Variants in ABHD12B observed in about 807,000 individuals in gnomAD.
ABHD12B encodes the protein abhydrolase domain containing 12B.
ABHD12B carries 42 observed loss-of-function variants against 50.4 expected under a neutral mutation model. That is an observed-to-expected ratio of 0.83 (90% CI 0.65 to 1.08). The LOEUF (loss-of-function observed/expected upper bound fraction) is 1.08. Ranked by LOEUF, ABHD12B falls within the 50% of genes least tolerant of loss-of-function variation. The probability of loss-of-function intolerance (pLI) is 0.00; values close to 1 mark genes in which losing one functional copy is unlikely to be tolerated. For synonymous variants in ABHD12B, 167 were observed against 160.3 expected, an observed-to-expected ratio of 1.04 and a Z score of -0.32; for missense variants, 479 against 447.7, an observed-to-expected ratio of 1.07 and a Z score of -0.63.
At position 50,901,890 on chromosome 14, in the gene ABHD12B, T is replaced by C. The variant is rs142230218; in HGVS notation, c.842T>C (p.Ile281Thr). The change falls in exon 10 of 13, where the codon ATA becomes ACA. Residue 281 changes from isoleucine (I) to threonine (T), a missense_variant. Transcript: ENST00000337334. ...ATGGATGCCCTGAGAAAAGACAAAATAATCTTTCCTAATGATGAAAAGTAA... is the reference window on the plus strand; with the variant it reads ...ATGGATGCCCTGAGAAAAGACAAAACAATCTTTCCTAATGATGAAAAGTAA... ...TLMDALRKDK[I>T]IFPNDENVKF... The C allele has an allele frequency of 1.0e-5, 16 of 1,596,528 alleles. No individual in the cohort carries two copies. The African/African-American group carries it at 1.8e-4, about 17-fold the overall frequency.
At chr14:50,895,966 C>T (rs2050193165) in intron 9 of ABHD12B, among the ~76,000 whole-genome samples, 1 of 152,162 alleles carries the variant, frequency 6.6e-6, no homozygotes, top group African/African-American at 2.4e-5. Flanking sequence ...TTATCTGCTT[C>T]CCTGACTATT....
At chr14:50,900,577 C>T (rs1260886859) in intron 9 of ABHD12B, among the ~76,000 whole-genome samples, 1 of 152,098 alleles carries the variant, frequency 6.6e-6, no homozygotes, top group African/African-American at 2.4e-5. Flanking sequence ...GTGGTGGGGG[C>T]AAGGTTTGGT....
At chr14:50,874,609 T>A (rs2356533) in intron 1 of ABHD12B, among the ~76,000 whole-genome samples, 143,727 of 150,900 alleles carry the variant, frequency 0.95, 68,791 homozygotes, top group East Asian at 1. Flanking sequence ...CAAAAAAAAA[T>A]AATAATAAAA....
At chr14:50,891,880 A>G (rs2050124523) in intron 9 of ABHD12B, 1 of 152,136 alleles carries the variant, frequency 6.6e-6, no homozygotes, top group Non-Finnish European at 1.5e-5. Context: ...ATTTCTCTCC[A>G]TTGTCTATCT....
intron 10 of ABHD12B, 77 bp downstream of exon 10, chr14:50,901,988 G>A: frequency 1.1e-6 from 1 of 937,734 alleles, no homozygotes; most frequent in Non-Finnish European, 1.6e-6. Context: ...TGACTTACTG[G>A]ATGGTGACAT....
At chr14:50,881,734 A>T in intron 5 of ABHD12B, 108 bp downstream of exon 5, 1 of 1,361,960 alleles carries the variant, frequency 7.3e-7, no homozygotes, top group Non-Finnish European at 1.0e-6. Context: ...TCTCCAGGGT[A>T]CTGGTCAGGG....
intron 9 of ABHD12B, 133 bp from the exon 10 acceptor site, chr14:50,901,696 A>C: frequency 2.2e-6 from 1 of 448,418 alleles, no homozygotes; most frequent in Non-Finnish European, 3.9e-6. Flanking sequence ...TAAATCGTAG[A>C]AGTTTTTTGT....
At chr14:50,874,339 A>G (rs2049829435) in intron 1 of ABHD12B, among the ~76,000 whole-genome samples, 1 of 152,204 alleles carries the variant, frequency 6.6e-6, no homozygotes, top group Non-Finnish European at 1.5e-5. Flanking sequence ...TGTGGCTCAC[A>G]TCTGTAATCC....
At chr14:50,873,476 T>A (rs147057823) in intron 1 of ABHD12B, among the ~76,000 whole-genome samples, 1,862 of 152,270 alleles carry the variant, frequency 0.012, 42 homozygotes, top group African/African-American at 0.043. Context: ...CACCCCAAAG[T>A]GTTGGGATTA....
chr14:50,886,789 A>T, intron 8 of ABHD12B, 105 bp downstream of exon 8: 1 of 1,003,342 alleles, frequency 1.0e-6, no homozygotes, highest in Non-Finnish European at 1.5e-6. Flanking sequence ...CACCAAAAGC[A>T]TCCCAACTTT....
chr14:50,892,337 G>A, intron 9 of ABHD12B: 1 of 851,550 alleles, frequency 1.2e-6, no homozygotes, highest in Non-Finnish European at 1.4e-6. Context: ...AAGGGAATGA[G>A]GGTAGTAGCA....
At chr14:50,899,147 G>A (rs1011218207) in intron 9 of ABHD12B, among the ~76,000 whole-genome samples, 3 of 152,118 alleles carry the variant, frequency 2.0e-5, no homozygotes, top group Non-Finnish European at 4.4e-5. Context: ...AACCGAGATC[G>A]TGCCACTGCA....
chr14:50,885,561 CT>C, intron 5 of ABHD12B, 52 bp from the exon 6 acceptor site: 1 of 1,608,098 alleles, frequency 6.2e-7, no homozygotes, highest in South Asian at 1.1e-5. Flanking sequence ...GAGGAGAAGC[CT>C]TTTCTGTTTT....
intron 11 of ABHD12B, among the ~76,000 whole-genome samples, chr14:50,903,720 G>T (rs2050293822): frequency 6.6e-6 from 1 of 152,156 alleles, no homozygotes; most frequent in Non-Finnish European, 1.5e-5. Flanking sequence ...GGTATCCCAG[G>T]CTGCTGTGGG....
chr14:50,900,003 C>T (rs542427717), intron 9 of ABHD12B, among the ~76,000 whole-genome samples: 1 of 151,926 alleles, frequency 6.6e-6, no homozygotes, highest in South Asian at 2.1e-4. Flanking sequence ...TTTGGGTGGT[C>T]AAGGCCAGAA....
At chr14:50,880,071 T>C (rs1000752141) in intron 3 of ABHD12B, among the ~76,000 whole-genome samples, 2 of 152,264 alleles carry the variant, frequency 1.3e-5, no homozygotes, top group African/African-American at 4.8e-5. Context: ...AATTATTTCC[T>C]ACTTATCTCT....
chr14:50,887,432 A>T (rs1452885800), intron 8 of ABHD12B, among the ~76,000 whole-genome samples: 1 of 151,828 alleles, frequency 6.6e-6, no homozygotes, highest in African/African-American at 2.4e-5. Context: ...AGGGTCATTT[A>T]AAAAAAATTA....
intron 9 of ABHD12B, among the ~76,000 whole-genome samples, chr14:50,897,749 T>A (rs996360667): frequency 6.6e-6 from 1 of 152,174 alleles, no homozygotes; most frequent in African/African-American, 2.4e-5. Flanking sequence ...AGTTTTCCCA[T>A]TTTTTTACCA....
intron 9 of ABHD12B, among the ~76,000 whole-genome samples, chr14:50,896,088 C>A (rs2050195166): frequency 6.6e-6 from 1 of 151,988 alleles, no homozygotes; most frequent in African/African-American, 2.4e-5. Context: ...TACCTCTACT[C>A]CCTCCTTGGT....
Sources: allele counts gnomAD v4.1 joint callset (sites outside exome capture counted in the v4.1 genomes callset), GRCh38; gene constraint gnomAD v4.1.1; transcripts MANE v1.5; gene names NCBI Gene and HGNC (gene_info 2026-07-23, HGNC 2026-07-21).